The following ALPL variants were observed in gnomAD, a reference collection of about 807,000 sequenced individuals.
ALPL encodes alkaline phosphatase, biomineralization associated, also known as alkaline phosphatase, tissue-nonspecific isozyme.
In ALPL, 42 loss-of-function variants were observed where a neutral mutation model predicts 51.3. The ratio of observed to expected loss-of-function variants is 0.82; its 90% CI spans 0.64 to 1.06. The LOEUF is 1.06. Among genes scored for constraint, ALPL ranks in the 50% least tolerant of loss-of-function variants. The pLI is 0.00. For synonymous variants in ALPL, 279 were observed against 296.4 expected (o/e 0.94, Z 0.60); for missense variants, 589 against 709.4 (o/e 0.83, Z 1.93).
chr1:21,550,456 T>C (rs1468488832), intron 1 of ALPL, among the ~76,000 whole-genome samples: 4 of 152,316 alleles, frequency 2.6e-5, no homozygotes, highest in Middle Eastern at 3.4e-3. Context: ...TGAAACATCA[T>C]GGTGAAATTC....
rs1644541209 is a variant in ALPL at position 21,564,891 on chromosome 1, C to T, written c.648+675C>T. 6.6e-6 allele frequency among the ~76,000 whole-genome samples: 1 copy of T among 152,184 alleles called. No homozygotes were observed. Among genetic ancestry groups the T allele is most frequent in the South Asian group, 2.1e-4 (1 of 4,822 alleles). ...CTTACGCAGGAGCCACATGTCCTTG[C>T]CCTGAAACACACTTCAACAAACTGA... On this transcript the variant is annotated intron_variant, in intron 6 of 11. Coordinates refer to ENST00000374840, the MANE Select transcript of ALPL (RefSeq NM_000478.6). The surrounding 1 kb of genome is among the most constrained non-coding windows in gnomAD (Gnocchi z 5.8).
chr1:21,562,858 G>A (rs1375113378), intron 4 of ALPL, among the ~76,000 whole-genome samples: 1 of 152,118 alleles, frequency 6.6e-6, no homozygotes, highest in Non-Finnish European at 1.5e-5. Flanking sequence ...ATCTTCCGCC[G>A]GACACTTCTC....
chr1:21,560,502 A>G, intron 2 of ALPL, 124 bp from the exon 3 acceptor site: 5 of 1,288,200 alleles, frequency 3.9e-6, no homozygotes, highest in Non-Finnish European at 5.4e-6. Flanking sequence ...TGGGTGGGCA[A>G]CTATTGCACC....
At chr1:21,549,286 C>T (rs1558540581) in intron 1 of ALPL, among the ~76,000 whole-genome samples, 1 of 152,104 alleles carries the variant, frequency 6.6e-6, no homozygotes, top group Non-Finnish European at 1.5e-5. Flanking sequence ...CTATGATTCC[C>T]AAATTTATAC....
Position 21,568,243 on chromosome 1 carries a change from A to G in ALPL, c.788A>G (p.Tyr263Cys), listed in dbSNP as rs1644595899. 7 of 1,613,930 alleles carry G rather than the reference A, an allele frequency of 4.3e-6. No individual in the cohort carries two copies. Among genetic ancestry groups the G allele is most frequent in the Non-Finnish European group, 5.1e-6 (6 of 1,180,008 alleles). ...ACCTGGAAGAGCTTCAAACCGAGAT[A>G]CAAGGTAGCCTGTGCTGGGGCCATG... ...VDTWKSFKPR[Y>C]KHSHFIWNRT... The change falls in exon 7 of 12, where the codon TAC becomes TGC. Residue 263 changes from tyrosine to cysteine, a missense_variant. Coordinates refer to ENST00000374840, the MANE Select transcript of ALPL (RefSeq NM_000478.6).
chr1:21,513,389 C>T (rs1300002139), intron 1 of ALPL, among the ~76,000 whole-genome samples: 1 of 152,124 alleles, frequency 6.6e-6, no homozygotes, highest in East Asian at 1.9e-4. Flanking sequence ...TTTTGAAAAT[C>T]ATTGTTTAAG....
chr1:21,517,551 A>G (rs1000124283), intron 1 of ALPL, among the ~76,000 whole-genome samples: 10 of 152,194 alleles, frequency 6.6e-5, no homozygotes, highest in African/African-American at 2.4e-4. Flanking sequence ...GTGGGGCACC[A>G]GCGTCTGTTC....
At chr1:21,560,105 T>C (rs1325714070) in intron 2 of ALPL, among the ~76,000 whole-genome samples, 18 of 152,246 alleles carry the variant, frequency 1.2e-4, no homozygotes, top group Non-Finnish European at 8.8e-5. Context: ...CCAGCACTGC[T>C]ATTAAACCAA....
In ALPL at chr1:21,568,136, C is replaced by T; in HGVS notation, c.681C>T (p.Tyr227=). 1 of 1,614,000 alleles carries T rather than the reference C, an allele frequency of 6.2e-7. No individual in the cohort carries two copies. The highest frequency in any genetic ancestry group is 1.1e-5 in the South Asian group (1 of 91,076). ...VIMGGGRKYM[Y]PKNKTDVEYE... ...TGGGGGGTGGCCGGAAATACATGTA[C>T]CCCAAGAATAAAACTGATGTGGAGT... Residue 227 remains tyrosine, a synonymous_variant, in exon 7 of 12, where the codon TAC becomes TAT. Coordinates refer to ENST00000374840, the MANE Select transcript of ALPL (RefSeq NM_000478.6).
chr1:21,535,540 G>A (rs1046580463), intron 1 of ALPL, among the ~76,000 whole-genome samples: 3 of 152,046 alleles, frequency 2.0e-5, no homozygotes, highest in Admixed American at 2.0e-4. Flanking sequence ...GTTTGAGCTC[G>A]GGAGGTTGAG....
At chr1:21,519,947 T>C (rs1319232927) in intron 1 of ALPL, among the ~76,000 whole-genome samples, 1 of 152,052 alleles carries the variant, frequency 6.6e-6, no homozygotes, top group African/African-American at 2.4e-5. Flanking sequence ...GAACCTGAGG[T>C]CAGTGCTGGG....
At chr1:21,547,752 A>G (rs376141406) in intron 1 of ALPL, among the ~76,000 whole-genome samples, 1 of 152,242 alleles carries the variant, frequency 6.6e-6, no homozygotes, top group Non-Finnish European at 1.5e-5. Context: ...TTCCTAAGCT[A>G]CAAAACGGGG....
intron 9 of ALPL, among the ~76,000 whole-genome samples, chr1:21,575,195 G>T (rs1036233648): frequency 1.3e-5 from 2 of 152,202 alleles, no homozygotes; most frequent in African/African-American, 4.8e-5. Flanking sequence ...TGAAAAACGG[G>T]GTTAGGACGA....
At chr1:21,509,270 G>A (rs1027618505), upstream of ALPL, 12 of 145,756 alleles carry the variant, frequency 8.2e-5, no homozygotes, top group South Asian at 2.4e-3. This position sits in a 1 kb window ranked among gnomAD's most constrained non-coding sequence, Gnocchi z 6.0. Flanking sequence ...CTCGTGGCAC[G>A]ACCGGCCCGC....
intron 1 of ALPL, among the ~76,000 whole-genome samples, chr1:21,528,963 A>G (rs1000555177): frequency 1.3e-5 from 2 of 151,522 alleles, no homozygotes; most frequent in Non-Finnish European, 2.9e-5. Context: ...CCAGCTACTC[A>G]GGAGGCTGAG....
At chr1:21,538,056 C>T (rs1386692832) in intron 1 of ALPL, among the ~76,000 whole-genome samples, 1 of 152,218 alleles carries the variant, frequency 6.6e-6, no homozygotes, top group African/African-American at 2.4e-5. Context: ...CCGGCACACT[C>T]GTGATCACTG....
intron 7 of ALPL, among the ~76,000 whole-genome samples, chr1:21,568,726 A>G (rs1644604437): frequency 6.6e-6 from 1 of 152,066 alleles, no homozygotes; most frequent in African/African-American, 2.4e-5. Context: ...AGGGGAGGAC[A>G]TGGTTGGCCC....
chr1:21,558,771 G>A (rs1189097948), intron 2 of ALPL, among the ~76,000 whole-genome samples: 1 of 152,190 alleles, frequency 6.6e-6, no homozygotes, highest in African/African-American at 2.4e-5. Context: ...GGGGAGGGGC[G>A]TGGGGTGTGC....
At chr1:21,567,224 G>A (rs1050392522) in intron 6 of ALPL, among the ~76,000 whole-genome samples, 1 of 152,228 alleles carries the variant, frequency 6.6e-6, no homozygotes, top group African/African-American at 2.4e-5. Flanking sequence ...GTGTCAGCCA[G>A]GGGCAGTGGC....
Sources: gnomAD v4.1 joint callset for allele counts (sites outside exome capture counted in the v4.1 genomes callset) on GRCh38, gnomAD v4.1.1 for gene constraint, Gnocchi (gnomAD v3.1) non-coding constraint, MANE v1.5 for transcripts, NCBI Gene and HGNC (gene_info 2026-07-23, HGNC 2026-07-21) for gene names.